Variants in ERO1B observed in about 807,000 individuals in gnomAD.
The protein encoded by ERO1B is endoplasmic reticulum oxidoreductase 1 beta.
In ERO1B, 49 loss-of-function variants were observed where a neutral mutation model predicts 75.3. That is an observed-to-expected ratio of 0.65 (90% CI 0.52 to 0.83). The LOEUF (loss-of-function observed/expected upper bound fraction) is 0.83, where lower values mean the gene tolerates loss of function less well. Ranked by LOEUF, ERO1B falls within the 40% of genes least tolerant of loss-of-function variation. The pLI, the probability that ERO1B is intolerant of heterozygous loss-of-function variation, is 0.00. For missense variants in ERO1B, 512 were observed against 560.1 expected, an observed-to-expected ratio of 0.91 and a Z score of 0.87; for synonymous variants, 191 against 192.9, an observed-to-expected ratio of 0.99 and a Z score of 0.08.
intron 1 of ERO1B, among the ~76,000 whole-genome samples, chr1:236,271,705 G>A (rs1373544062): frequency 6.6e-6 from 1 of 151,730 alleles, no homozygotes; most frequent in Non-Finnish European, 1.5e-5. Context: ...AATACTGCCA[G>A]TGTCCTTTAA....
chr1:236,242,295 G>A (rs894460435), intron 6 of ERO1B, among the ~76,000 whole-genome samples: 1 of 152,072 alleles, frequency 6.6e-6, no homozygotes, highest in Admixed American at 6.6e-5. Context: ...AGAAATAAAT[G>A]ACTATGAGTG....
chr1:236,281,724 C>A lies in ERO1B; in HGVS notation c.60G>T (p.Leu20=). Residue 20 remains leucine, a synonymous_variant, in exon 1 of 16, where the codon CTG becomes CTT. Transcript: ENST00000354619. ...TCCGCAGGAAGCTCAGGGTGACCAG[C>A]AGCTGCACCGCGGCCGCTACCCCCT... The part of the protein sequence containing the change: ...AGQGVAAAVQ[L]LVTLSFLRSV... 1 of 1,515,028 alleles carries A rather than the reference C, an allele frequency of 6.6e-7. No individual in the cohort carries two copies. Among genetic ancestry groups the A allele is most frequent in the Non-Finnish European group, 8.8e-7 (1 of 1,134,870 alleles). 93.8% of individuals were successfully genotyped at this position (1,515,028 alleles called of 1,614,324 possible).
intron 12 of ERO1B, 96 bp downstream of exon 12, chr1:236,226,173 C>T (rs1434502623): frequency 2.1e-5 from 26 of 1,227,676 alleles, no homozygotes; most frequent in Admixed American, 1.1e-4. Flanking sequence ...CATCTCCCCT[C>T]GGTTAACTTT....
intron 6 of ERO1B, among the ~76,000 whole-genome samples, chr1:236,239,859 GTA>G (rs150005841): frequency 0.43 from 32,134 of 74,462 alleles, 8,774 homozygotes; most frequent in African/African-American, 0.69. Flanking sequence ...GTGTATATAT[GTA>G]TATATATATG....
intron 5 of ERO1B, among the ~76,000 whole-genome samples, chr1:236,248,983 C>T (rs1418045038): frequency 6.6e-6 from 1 of 150,412 alleles, no homozygotes; most frequent in Admixed American, 6.6e-5. Flanking sequence ...AAATTGCTAA[C>T]TTATACTGAG....
intron 6 of ERO1B, among the ~76,000 whole-genome samples, chr1:236,241,257 C>T (rs1254996123): frequency 6.6e-6 from 1 of 152,148 alleles, no homozygotes. Context: ...TTAAAAACTA[C>T]TATAGGCCAG....
At chr1:236,263,661 T>C (rs1246648883) in intron 2 of ERO1B, among the ~76,000 whole-genome samples, 3 of 152,152 alleles carry the variant, frequency 2.0e-5, no homozygotes, top group African/African-American at 7.2e-5. Context: ...TACTTTTGTG[T>C]CTTTCAAGAA....
chr1:236,239,911 A>ATTTTTTTTTTTTT lies in ERO1B; in HGVS notation c.505+3510_505+3511insAAAAAAAAAAAAA, dbSNP rs1218642025. On this transcript the variant is annotated intron_variant, in intron 6 of 15. Transcript: ENST00000354619. ...TGTGTGTATATATATATATATATAT[A>ATTTTTTTTTTTTT]TTTTTTTTTTTTGCGATGAGGCTGA... Among the ~76,000 whole-genome samples, 75 of 106,916 alleles carry ATTTTTTTTTTTTT rather than the reference A, an allele frequency of 7.0e-4. 1 individual carries two copies. The highest frequency in any genetic ancestry group is 2.9e-3 in the African/African-American group (72 of 24,620). 70.1% of individuals were successfully genotyped at this position (106,916 alleles called of 152,430 possible). A position where few individuals can be genotyped will look rare whatever the true frequency, so the allele number is the denominator to read the frequency against.
At chr1:236,229,490 G>A (rs900475725) in intron 10 of ERO1B, among the ~76,000 whole-genome samples, 1 of 151,620 alleles carries the variant, frequency 6.6e-6, no homozygotes, top group Non-Finnish European at 1.5e-5. Context: ...AATAGAATTA[G>A]TTTTACTCTG....
At chr1:236,270,578 C>T (rs1457980894) in intron 1 of ERO1B, among the ~76,000 whole-genome samples, 2 of 152,078 alleles carry the variant, frequency 1.3e-5, no homozygotes, top group East Asian at 3.8e-4. Context: ...ATCTTATCCA[C>T]TATTCAAAGA....
intron 2 of ERO1B, among the ~76,000 whole-genome samples, chr1:236,257,189 T>C (rs896240250): frequency 1.3e-5 from 2 of 152,104 alleles, no homozygotes; most frequent in Non-Finnish European, 2.9e-5. Flanking sequence ...AAGCACAAAG[T>C]TTTGCGAAAC....
In ERO1B at chr1:236,281,735, C is replaced by G. The variant is rs865857698; in HGVS notation, c.49G>C (p.Ala17Pro). The change falls in exon 1 of 16, where the codon GCG (alanine) becomes CCG (proline). Residue 17 changes from alanine to proline, a missense_variant. Transcript: ENST00000354619. Reference protein sequence around the residue: ...RAGAGQGVAAAVQLLVTLSFL... With the variant: ...RAGAGQGVAAPVQLLVTLSFL... ...CTCAGGGTGACCAGCAGCTGCACCG[C>G]GGCCGCTACCCCCTGCCCAGCGCCT... 1 of 1,515,506 alleles carries G rather than the reference C, an allele frequency of 6.6e-7. No homozygotes were observed. The highest frequency in any genetic ancestry group is 8.8e-7 in the Non-Finnish European group (1 of 1,135,138). 93.9% of individuals were successfully genotyped at this position (1,515,506 alleles called of 1,614,324 possible).
chr1:236,238,342 CTTAAT>C (rs1239945591), intron 6 of ERO1B, among the ~76,000 whole-genome samples: 2 of 152,018 alleles, frequency 1.3e-5, no homozygotes, highest in African/African-American at 2.4e-5. Context: ...CTTTTAAAAT[CTTAAT>C]TTAAAATAAA....
At chr1:236,254,703 C>T (rs1250607535) in intron 2 of ERO1B, among the ~76,000 whole-genome samples, 1 of 151,882 alleles carries the variant, frequency 6.6e-6, no homozygotes, top group Non-Finnish European at 1.5e-5. Flanking sequence ...ACCTCTGCCT[C>T]CTGGGTTCAA....
At chr1:236,261,755 A>G (rs889308011) in intron 2 of ERO1B, among the ~76,000 whole-genome samples, 1 of 152,206 alleles carries the variant, frequency 6.6e-6, no homozygotes, top group East Asian at 1.9e-4. Context: ...CAAAATTCCT[A>G]TATCATTTCT....
intron 1 of ERO1B, among the ~76,000 whole-genome samples, chr1:236,276,104 C>T (rs1181941773): frequency 6.6e-6 from 1 of 152,194 alleles, no homozygotes; most frequent in East Asian, 1.9e-4. Flanking sequence ...TTAAGAACAA[C>T]AGGCAGGCCA....
chr1:236,270,024 A>G, intron 1 of ERO1B, 30 bp from the exon 2 acceptor site: 2 of 1,469,604 alleles, frequency 1.4e-6, no homozygotes, highest in Non-Finnish European at 1.9e-6. Flanking sequence ...AAATATGTAA[A>G]CTACTGATGT....
Position 236,260,657 on chromosome 1 carries a change from T to C in ERO1B, c.223-7152A>G, listed in dbSNP as rs1329684758. 2.2e-5 allele frequency among the ~76,000 whole-genome samples: 3 copies of C among 138,044 alleles called. 1 individual carries two copies. The highest frequency in any genetic ancestry group is 4.6e-5 in the Non-Finnish European group (3 of 64,762). 90.6% of individuals were successfully genotyped at this position (138,044 alleles called of 152,430 possible). On this transcript the variant is annotated intron_variant, in intron 2 of 15. Transcript: ENST00000354619. ...TCCAGCCTGGGCAACAGAGCAAGAG[T>C]TGGTCTCAAAAAAAAAAAAAAAGAC...
At chr1:236,251,196 TTAA>T (rs1420931821) in intron 4 of ERO1B, among the ~76,000 whole-genome samples, 1 of 132,298 alleles carries the variant, frequency 7.6e-6, no homozygotes, top group African/African-American at 3.0e-5. Flanking sequence ...AAAAATATTA[TTAA>T]TATTATTTAA....
Sources: gnomAD v4.1 joint callset for allele counts (sites outside exome capture counted in the v4.1 genomes callset) on GRCh38, gnomAD v4.1.1 for gene constraint, MANE v1.5 for transcripts, NCBI Gene and HGNC (gene_info 2026-07-23, HGNC 2026-07-21) for gene names.